CPNE4: variants seen among roughly 807,000 people sequenced by gnomAD.
CPNE4 encodes copine 4, also known as copine-4.
Under a neutral mutation model 67.9 loss-of-function variants are expected in CPNE4, and 25 were observed. The observed-to-expected ratio is 0.37, with a 90% CI of 0.27 to 0.51. The LOEUF (loss-of-function observed/expected upper bound fraction) is 0.51. Ranked by LOEUF, CPNE4 falls within the 20% of genes least tolerant of loss-of-function variation. The pLI is 0.93. For synonymous variants in CPNE4, 242 were observed against 244.9 expected (o/e 0.99, Z 0.11); for missense variants, 464 against 690.8 (o/e 0.67, Z 3.68).
At chr3:131,886,709 T>TG (rs34651472) in intron 2 of CPNE4, among the ~76,000 whole-genome samples, 43,563 of 151,868 alleles carry the variant, frequency 0.29, 7,251 homozygotes, top group Non-Finnish European at 0.37. Context: ...GACCTGGATG[T>TG]AACATGGAGT....
chr3:131,939,657 C>A (rs1355790720), intron 1 of CPNE4, among the ~76,000 whole-genome samples: 2 of 152,096 alleles, frequency 1.3e-5, no homozygotes, highest in African/African-American at 4.8e-5. Flanking sequence ...ATAAGTTAAC[C>A]ATTAAGTTGT....
chr3:131,898,848 T>A (rs1489046206), intron 2 of CPNE4, among the ~76,000 whole-genome samples: 2 of 152,102 alleles, frequency 1.3e-5, no homozygotes, highest in Non-Finnish European at 2.9e-5. Context: ...TTTGTTTTTT[T>A]AAAAAATTAT....
intron 2 of CPNE4, among the ~76,000 whole-genome samples, chr3:131,756,339 T>C (rs963285480): frequency 1.3e-5 from 2 of 152,146 alleles, no homozygotes; most frequent in Non-Finnish European, 2.9e-5. Context: ...AATTTTACCA[T>C]ATGAATTCTA....
chr3:131,989,242 T>A (rs909811810), intron 1 of CPNE4, among the ~76,000 whole-genome samples: 6 of 152,180 alleles, frequency 3.9e-5, no homozygotes, highest in Non-Finnish European at 8.8e-5. Flanking sequence ...AAATAAAACC[T>A]TTTGGTGGCT....
At chr3:131,649,033 T>C (rs1239386781) in intron 7 of CPNE4, among the ~76,000 whole-genome samples, 2 of 152,230 alleles carry the variant, frequency 1.3e-5, no homozygotes, top group African/African-American at 2.4e-5. Flanking sequence ...TGGTTAGTAA[T>C]GAGTTTGCAA....
intron 2 of CPNE4, among the ~76,000 whole-genome samples, chr3:131,801,391 CAT>C (rs139775707): frequency 3.6e-5 from 3 of 84,138 alleles, no homozygotes; most frequent in Admixed American, 1.3e-4. Context: ...ATATATGGTA[CAT>C]ATATATATAG....
At chr3:131,773,351 A>ATTATTTATTTATTTAT (rs61694682) in intron 2 of CPNE4, among the ~76,000 whole-genome samples, 9 of 151,406 alleles carry the variant, frequency 5.9e-5, no homozygotes, top group Admixed American at 1.3e-4. Flanking sequence ...AGTTTTATTT[A>ATTATTTATTTATTTAT]TTATTTATTT....
At chr3:131,854,783 T>C (rs2107652319) in intron 2 of CPNE4, among the ~76,000 whole-genome samples, 1 of 151,722 alleles carries the variant, frequency 6.6e-6, no homozygotes, top group East Asian at 1.9e-4. Context: ...CTCTCCTCTT[T>C]CATTACTCCC....
chr3:131,584,315 T>G (rs950733518), intron 8 of CPNE4, among the ~76,000 whole-genome samples: 1 of 152,142 alleles, frequency 6.6e-6, no homozygotes, highest in Admixed American at 6.6e-5. Flanking sequence ...TGAGTACCAG[T>G]TTTTGAAACC....
Position 131,791,609 on chromosome 3 carries a change from A to C in CPNE4, c.181-67984T>G, listed in dbSNP as rs985432576. Among the ~76,000 whole-genome samples, 20 of 152,238 alleles carry C rather than the reference A, an allele frequency of 1.3e-4. 1 individual carries two copies. Reference sequence around the variant, plus strand: ...TTACTTTATTTGAAAAAGCGTAAGAAGTATGAGTTCTTAGGCAGTTCAATT... The same window carrying C: ...TTACTTTATTTGAAAAAGCGTAAGACGTATGAGTTCTTAGGCAGTTCAATT... On this transcript the variant is annotated intron_variant, in intron 2 of 15. Transcript: ENST00000429747.
At chr3:131,933,104 G>C (rs2071119431) in intron 1 of CPNE4, among the ~76,000 whole-genome samples, 1 of 152,176 alleles carries the variant, frequency 6.6e-6, no homozygotes, top group South Asian at 2.1e-4. Context: ...CCAAGGGTTA[G>C]ATGGTACCTT....
intron 1 of CPNE4, among the ~76,000 whole-genome samples, chr3:132,029,683 A>G (rs1212706664): frequency 6.6e-6 from 1 of 152,202 alleles, no homozygotes; most frequent in Non-Finnish European, 1.5e-5. Flanking sequence ...TTAATCCGAA[A>G]TACTGTATTT....
intron 11 of CPNE4, among the ~76,000 whole-genome samples, chr3:131,563,852 T>C (rs549012190): frequency 6.5e-4 from 99 of 152,206 alleles, no homozygotes; most frequent in Middle Eastern, 3.4e-3. Flanking sequence ...CTCTAAAGTA[T>C]ACACAAATCA....
At chr3:131,758,594 T>G (rs1032176817) in intron 2 of CPNE4, among the ~76,000 whole-genome samples, 1 of 152,142 alleles carries the variant, frequency 6.6e-6, no homozygotes, top group East Asian at 1.9e-4. Context: ...GTTAAGATTT[T>G]GGGAGACTGT....
chr3:131,819,301 T>A (rs1212958501), intron 2 of CPNE4, among the ~76,000 whole-genome samples: 1 of 152,160 alleles, frequency 6.6e-6, no homozygotes. Flanking sequence ...GAGGCCACCA[T>A]TAGCATGTAA....
intron 2 of CPNE4, among the ~76,000 whole-genome samples, chr3:131,797,274 T>C (rs933145773): frequency 1.3e-5 from 2 of 152,186 alleles, no homozygotes; most frequent in Non-Finnish European, 2.9e-5. Flanking sequence ...TAAGGGGCCC[T>C]GAACTCTGGC....
At chr3:131,648,546 A>G (rs2079726290) in intron 7 of CPNE4, among the ~76,000 whole-genome samples, 1 of 152,258 alleles carries the variant, frequency 6.6e-6, no homozygotes. Context: ...ATATGACTGA[A>G]AGAATGACTA....
At chr3:131,849,724 T>C (rs934295139) in intron 2 of CPNE4, among the ~76,000 whole-genome samples, 1 of 152,116 alleles carries the variant, frequency 6.6e-6, no homozygotes, top group Non-Finnish European at 1.5e-5. Context: ...GAGTAGAATA[T>C]AGCCTGGCTA....
intron 9 of CPNE4, among the ~76,000 whole-genome samples, chr3:131,575,818 A>G (rs976528684): frequency 2.0e-4 from 31 of 152,104 alleles, no homozygotes; most frequent in Non-Finnish European, 3.8e-4. Context: ...TCTGGGTTAC[A>G]TACTCTGTCC....
Sources: gnomAD v4.1 joint callset for allele counts (sites outside exome capture counted in the v4.1 genomes callset) on GRCh38, gnomAD v4.1.1 for gene constraint, MANE v1.5 for transcripts, NCBI Gene and HGNC (gene_info 2026-07-23, HGNC 2026-07-21) for gene names.